CMIP: variants seen among roughly 807,000 people sequenced by gnomAD.
The protein encoded by CMIP is c-Maf inducing protein.
Under a neutral mutation model 97.3 loss-of-function variants are expected in CMIP, and 13 were observed. That is an observed-to-expected ratio of 0.13 (90% CI 0.09 to 0.21). CMIP has a LOEUF of 0.21. CMIP is among the 10% of genes least tolerant of loss of function. The pLI is 1.00. For synonymous variants in CMIP, 538 were observed against 436.3 expected (o/e 1.23, Z -2.91); for missense variants, 847 against 1,024.9 (o/e 0.83, Z 2.37).
intron 1 of CMIP, among the ~76,000 whole-genome samples, chr16:81,535,547 C>G (rs1041171173): frequency 2.7e-5 from 4 of 150,540 alleles, no homozygotes; most frequent in Non-Finnish European, 1.5e-5. Flanking sequence ...CATGAAGCTA[C>G]TAGCAAGAAT....
intron 19 of CMIP, 126 bp from the exon 20 acceptor site, chr16:81,706,888 C>A: frequency 1.3e-6 from 1 of 755,688 alleles, no homozygotes; most frequent in Non-Finnish European, 2.3e-6. Flanking sequence ...ACGAAACCTC[C>A]CTCCCCAGCC....
intron 1 of CMIP, among the ~76,000 whole-genome samples, chr16:81,506,617 T>C (rs1567549258): frequency 6.6e-6 from 1 of 152,188 alleles, no homozygotes; most frequent in Non-Finnish European, 1.5e-5. Context: ...GGGAAGAAAA[T>C]AAAGTGGAAC....
intron 1 of CMIP, among the ~76,000 whole-genome samples, chr16:81,594,170 C>T (rs1025901733): frequency 2.1e-5 from 3 of 145,508 alleles, no homozygotes; most frequent in South Asian, 2.3e-4. Flanking sequence ...TGGGCTGGAG[C>T]GCACTGGTGC....
intron 1 of CMIP, among the ~76,000 whole-genome samples, chr16:81,563,484 G>T (rs915616633): frequency 1.3e-5 from 2 of 152,208 alleles, no homozygotes; most frequent in African/African-American, 4.8e-5. Context: ...AGCCTCACCT[G>T]GGAGTTTGTT....
chr16:81,704,106 G>GCAGTCCCCCACACCCTCCTC lies in CMIP; in HGVS notation c.2091+23_2091+42dup, dbSNP rs1356199444. On this transcript the variant is annotated intron_variant, in intron 18 of 20. Coordinates refer to ENST00000537098, the MANE Select transcript of CMIP (RefSeq NM_198390.3). ...CTCAGGTACGTCCTCCCGCCCTGCT[G>GCAGTCCCCCACACCCTCCTC]CAGTCCCCCACACCCTCCTCCTTCA... 8 of 1,594,704 alleles carry GCAGTCCCCCACACCCTCCTC rather than the reference G, an allele frequency of 5.0e-6. No homozygotes were observed. The African/African-American group carries it at 1.1e-4, about 21-fold the overall frequency.
intron 3 of CMIP, among the ~76,000 whole-genome samples, chr16:81,629,287 G>A (rs538904678): frequency 2.1e-3 from 323 of 151,866 alleles, no homozygotes; most frequent in African/African-American, 7.3e-3. Flanking sequence ...TCCCAGGCCC[G>A]GTGTCACACT....
intron 6 of CMIP, 111 bp downstream of exon 6, chr16:81,661,057 G>A: frequency 7.5e-7 from 1 of 1,326,012 alleles, no homozygotes; most frequent in Non-Finnish European, 1.1e-6. Context: ...CCACCGTCTT[G>A]GGTCACGGTC....
intron 1 of CMIP, among the ~76,000 whole-genome samples, chr16:81,452,971 T>C (rs919625514): frequency 6.7e-6 from 1 of 150,004 alleles, no homozygotes; most frequent in African/African-American, 2.5e-5. Context: ...AAGAGATTCT[T>C]AAATGACAAA....
At chr16:81,517,843 G>A (rs1471857946) in intron 1 of CMIP, 5 of 606,888 alleles carry the variant, frequency 8.2e-6, no homozygotes, top group Non-Finnish European at 8.3e-6. Context: ...GTTCTCTGGA[G>A]GCTTGGGAGA....
intron 1 of CMIP, among the ~76,000 whole-genome samples, chr16:81,523,052 A>T (rs1005353279): frequency 1.3e-4 from 19 of 152,000 alleles, no homozygotes; most frequent in Non-Finnish European, 2.9e-5. Context: ...TCAGCCCCCC[A>T]AGTAGCTGGG....
chr16:81,703,514 T>C (rs1460997176), intron 17 of CMIP, among the ~76,000 whole-genome samples: 3 of 150,968 alleles, frequency 2.0e-5, no homozygotes, highest in African/African-American at 7.3e-5. Context: ...CACACAAATA[T>C]ACACAGACGT....
At chr16:81,605,407 G>T (rs976102520) in intron 1 of CMIP, among the ~76,000 whole-genome samples, 4 of 151,584 alleles carry the variant, frequency 2.6e-5, no homozygotes, top group Admixed American at 1.3e-4. Flanking sequence ...CGCTCACCTG[G>T]ACCTGTGCAG....
At chr16:81,509,940 C>G (rs1260290143) in intron 1 of CMIP, among the ~76,000 whole-genome samples, 1 of 152,192 alleles carries the variant, frequency 6.6e-6, no homozygotes, top group African/African-American at 2.4e-5. Context: ...TCCGGACATC[C>G]TGCCCTCACG....
At chr16:81,487,392 C>T (rs1372070488) in intron 1 of CMIP, among the ~76,000 whole-genome samples, 1 of 152,226 alleles carries the variant, frequency 6.6e-6, no homozygotes, top group Non-Finnish European at 1.5e-5. Flanking sequence ...GCTCTGACTG[C>T]TCCACTCCCG....
rs1434121052 is a variant in CMIP, at chr16:81,701,744, G to A, written c.1840G>A (p.Val614Met). ...QIISTLESTD[V>M]GKRMYEQLCD... Reference sequence around the variant, plus strand: ...CATCTCAACCCTGGAGAGCACAGACGTGGGGAAGCGCATGTACGAGCAGCT... The same window carrying A: ...CATCTCAACCCTGGAGAGCACAGACATGGGGAAGCGCATGTACGAGCAGCT... The change falls in exon 16 of 21, where the codon GTG becomes ATG. Residue 614 changes from valine to methionine, a missense_variant. By Grantham distance (21) the Val-to-Met change is conservative. This residue lies in a region of CMIP where 266 missense variants were observed against 384.2 expected (regional missense o/e 0.69). Coordinates refer to ENST00000537098, the MANE Select transcript of CMIP (RefSeq NM_198390.3). The A allele has an allele frequency of 3.1e-6, 5 of 1,613,770 alleles. No individual in the cohort carries two copies. Among genetic ancestry groups the A allele is most frequent in the South Asian group, 2.2e-5 (2 of 91,090 alleles).
chr16:81,450,852 C>G (rs777842752), intron 1 of CMIP, among the ~76,000 whole-genome samples: 1 of 152,350 alleles, frequency 6.6e-6, no homozygotes, highest in South Asian at 2.1e-4. Context: ...TTCCCTTACT[C>G]GACGTCCACA....
chr16:81,615,090 G>T (rs1323286480), intron 2 of CMIP, among the ~76,000 whole-genome samples: 2 of 123,336 alleles, frequency 1.6e-5, no homozygotes, highest in African/African-American at 6.2e-5. Context: ...ATGTCTTTGT[G>T]TGTATGAGGT....
At chr16:81,494,993 G>A (rs143606125) in intron 1 of CMIP, among the ~76,000 whole-genome samples, 1 of 152,274 alleles carries the variant, frequency 6.6e-6, no homozygotes, top group African/African-American at 2.4e-5. Flanking sequence ...TAGAGCTAGT[G>A]TCGGAGATGG....
At chr16:81,552,584 T>C (rs545932039) in intron 1 of CMIP, among the ~76,000 whole-genome samples, 2 of 152,330 alleles carry the variant, frequency 1.3e-5, no homozygotes, top group South Asian at 4.1e-4. Flanking sequence ...TCCCAGCCTC[T>C]CTCTGACCCT....
Sources: allele counts gnomAD v4.1 joint callset (sites outside exome capture counted in the v4.1 genomes callset), GRCh38; gene constraint gnomAD v4.1.1; regional missense constraint gnomAD v4.1.1; transcripts MANE v1.5; gene names NCBI Gene and HGNC (gene_info 2026-07-23, HGNC 2026-07-21).